USP17L1: variants seen among roughly 807,000 people sequenced by gnomAD.
USP17L1 encodes the protein ubiquitin specific peptidase 17 like family member 1.
USP17L1 carries 42 observed loss-of-function variants against 31.4 expected under a neutral mutation model. The ratio of observed to expected loss-of-function variants is 1.34; its 90% confidence interval spans 1.05 to 1.73. The LOEUF is 1.73. USP17L1 is among the 40% of genes most tolerant of loss of function. The probability of loss-of-function intolerance (pLI) is 0.00; values close to 1 mark genes in which losing one functional copy is unlikely to be tolerated. For synonymous variants in USP17L1, 230 were observed against 194.4 expected, an observed-to-expected ratio of 1.18 and a Z score of -1.52; for missense variants, 576 against 495.8, an observed-to-expected ratio of 1.16 and a Z score of -1.54.
rs117479685 is a variant in USP17L1 at position 7,333,413 on chromosome 8, G to A, written c.1027G>A (p.Glu343Lys). Residue 343 changes from glutamate to lysine, a missense_variant, in exon 1 of 1, where the codon GAA becomes AAA. Glu to Lys is a moderately conservative substitution (Grantham distance 56). Coordinates refer to ENST00000529559, the MANE Select transcript of USP17L1 (RefSeq NM_001256873.1). ...GHYFSYVKAQ[E>K]VQWYKMDDAE... Reference sequence around the variant, plus strand: ...TTACTTCTCCTATGTCAAAGCTCAAGAAGTCCAGTGGTATAAAATGGATGA... The same window carrying A: ...TTACTTCTCCTATGTCAAAGCTCAAAAAGTCCAGTGGTATAAAATGGATGA... 7.4e-3 allele frequency: 11,629 copies of A among 1,573,970 alleles called. 619 individuals are homozygous for A. The highest frequency in any genetic ancestry group is 0.012 in the Middle Eastern group (60 of 5,132).
chr8:7,333,949 C>A lies in USP17L1; in HGVS notation c.1563C>A (p.His521Gln). Residue 521 changes from histidine to glutamine, a missense_variant, in exon 1 of 1, where the codon CAC (histidine) becomes CAA (glutamine). His to Gln is a conservative substitution (Grantham distance 24). Coordinates refer to ENST00000529559, the MANE Select transcript of USP17L1 (RefSeq NM_001256873.1). ...GGAGAGCCAAAGGGAAGAACAAACA[C>A]AGCAAGAGGGCTCTGCTTGTGTGCC... Reference protein sequence around the residue: ...RTRRAKGKNKHSKRALLVCQ With the variant: ...RTRRAKGKNKQSKRALLVCQ 6.3e-7 allele frequency: 1 copy of A among 1,581,998 alleles called. No individual in the cohort carries two copies. The highest frequency in any genetic ancestry group is 1.7e-5 in the Admixed American group (1 of 59,168).
rs1229990125 is a variant in USP17L1 at position 7,332,761 on chromosome 8, C to G, written c.375C>G (p.Leu125=). 6 of 617,408 alleles carry G rather than the reference C, an allele frequency of 9.7e-6. No homozygotes were observed. The East Asian group carries it at 1.5e-4, about 15-fold the overall frequency. The allele number at this position is 617,408 out of a possible 1,614,324, so 38.2% of individuals were successfully genotyped here. A position where few individuals can be genotyped will look rare whatever the true frequency, so the allele number is the denominator to read the frequency against. ...QTCQRPKCCM[L]CTMQAHITWA... ...GTCAGCGTCCCAAGTGCTGCATGCT[C>G]TGTACTATGCAAGCTCACATCACAT... The change falls in exon 1 of 1, where the codon CTC becomes CTG. Residue 125 remains leucine (L), a synonymous_variant. Coordinates refer to ENST00000529559, the MANE Select transcript of USP17L1 (RefSeq NM_001256873.1).
chr8:7,333,012 A>C lies in USP17L1; in HGVS notation c.626A>C (p.His209Pro), dbSNP rs771025706. 4.6e-5 allele frequency: 57 copies of C among 1,247,318 alleles called. 1 individual carries two copies. The highest frequency in any genetic ancestry group is 6.1e-5 in the Non-Finnish European group (55 of 903,826). The allele number at this position is 1,247,318 out of a possible 1,614,324, so 77.3% of individuals were successfully genotyped here. The stretch of plus-strand genomic sequence containing the variant: ...TGGAGATCTCAAATCAAGTGTCTCC[A>C]CTGCCACGGGATTTCAGACACTTTT... Reference protein sequence around the residue: ...GCWRSQIKCLHCHGISDTFDP... With the variant: ...GCWRSQIKCLPCHGISDTFDP... Residue 209 changes from histidine (H) to proline (P), a missense_variant, in exon 1 of 1, where the codon CAC becomes CCC. Transcript: ENST00000529559.
chr8:7,333,239 G>C lies in USP17L1; in HGVS notation c.853G>C (p.Asp285His). Reference sequence around the variant, plus strand: ...CATCCTTGTCTTGAAGAGATTCTCCGATGTCGCAGGCAACAAACTTGCCAA... The same window carrying C: ...CATCCTTGTCTTGAAGAGATTCTCCCATGTCGCAGGCAACAAACTTGCCAA... ...VLILVLKRFS[D>H]VAGNKLAKNV... Residue 285 changes from aspartate (D) to histidine (H), a missense_variant, in exon 1 of 1, where the codon GAT becomes CAT. By Grantham distance (81) the Asp-to-His change is moderately conservative. Coordinates refer to ENST00000529559, the MANE Select transcript of USP17L1 (RefSeq NM_001256873.1). 1 of 947,138 alleles carries C rather than the reference G, an allele frequency of 1.1e-6. No individual in the cohort carries two copies. Among genetic ancestry groups the C allele is most frequent in the Non-Finnish European group, 1.6e-6 (1 of 620,108 alleles). 58.7% of individuals were successfully genotyped at this position (947,138 alleles called of 1,614,324 possible).
At chr8:7,333,479 C>T in the USP17L1 span, 1 of 1,561,834 alleles carries the variant, frequency 6.4e-7, no homozygotes, top group South Asian at 1.1e-5. Context: ...TGTCCTGAGT[C>T]AACAGGCCTA....
rs1210738622 is a variant in USP17L1, at chr8:7,333,363, C to T, written c.977C>T (p.Ala326Val). ...VYVLYAVLVH[A>V]GWSCHDGHYF... ...GTCCTCTATGCTGTGCTGGTCCACGCTGGGTGGAGTTGTCACGACGGACAT... is the reference window on the plus strand; with the variant it reads ...GTCCTCTATGCTGTGCTGGTCCACGTTGGGTGGAGTTGTCACGACGGACAT... Residue 326 changes from alanine (A) to valine (V), a missense_variant, in exon 1 of 1, where the codon GCT becomes GTT. By Grantham distance (64) the Ala-to-Val change is moderately conservative. Transcript: ENST00000529559. 2.1e-5 allele frequency: 33 copies of T among 1,566,352 alleles called. No homozygotes were observed. The highest frequency in any genetic ancestry group is 2.7e-5 in the Non-Finnish European group (31 of 1,166,502).
At position 7,333,739 on chromosome 8, in the gene USP17L1, C is replaced by A. The variant is rs569138630; in HGVS notation, c.1353C>A (p.Asn451Lys). ...AAAACAAAACGAAGCCTGAGTTCAACGTCGGAAAAGTCGAAGGTACCCTGC... is the reference window on the plus strand; with the variant it reads ...AAAACAAAACGAAGCCTGAGTTCAAAGTCGGAAAAGTCGAAGGTACCCTGC... ...QEQNKTKPEF[N>K]VGKVEGTLPP... is the part of the protein sequence containing the mutation. Residue 451 changes from asparagine (N) to lysine (K), a missense_variant, in exon 1 of 1, where the codon AAC becomes AAA. Asn to Lys is a moderately conservative substitution (Grantham distance 94). Transcript: ENST00000529559. The A allele has an allele frequency of 2.5e-6, 4 of 1,584,452 alleles. 1 individual carries two copies. The East Asian group carries it at 6.8e-5, about 27-fold the overall frequency.
chr8:7,333,260 G>A lies in USP17L1; in HGVS notation c.874G>A (p.Ala292Thr). The change falls in exon 1 of 1, where the codon GCC (alanine) becomes ACC (threonine). Residue 292 changes from alanine (A) to threonine (T), a missense_variant. By Grantham distance (58) the Ala-to-Thr change is moderately conservative. Coordinates refer to ENST00000529559, the MANE Select transcript of USP17L1 (RefSeq NM_001256873.1). ...CTCCGATGTCGCAGGCAACAAACTT[G>A]CCAAGAATGTGCAATATCCTGAGTG... ...RFSDVAGNKLAKNVQYPECLD... is the reference protein window; with the variant it reads ...RFSDVAGNKLTKNVQYPECLD... 9.9e-7 allele frequency: 1 copy of A among 1,005,522 alleles called. No individual in the cohort carries two copies. The highest frequency in any genetic ancestry group is 1.5e-6 in the Non-Finnish European group (1 of 668,080). 62.3% of individuals were successfully genotyped at this position (1,005,522 alleles called of 1,614,324 possible).
the USP17L1 span, chr8:7,333,865 CCG>C: frequency 6.8e-7 from 1 of 1,472,394 alleles, no homozygotes; most frequent in Non-Finnish European, 9.2e-7. Flanking sequence ...CTTCGACGAC[CCG>C]GACAGATCAG....
At position 7,333,485 on chromosome 8, in the gene USP17L1, G is replaced by A. The variant is rs553265258; in HGVS notation, c.1099G>A (p.Ala367Thr). 18 of 1,558,994 alleles carry A rather than the reference G, an allele frequency of 1.2e-5. No homozygotes were observed. The highest frequency in any genetic ancestry group is 4.5e-5 in the South Asian group (4 of 89,578). ...CATCATTTCTGTCCTGAGTCAACAG[G>A]CCTATGTCCTCTTTTACATCCAGAA... ...CSIISVLSQQ[A>T]YVLFYIQKSE... The change falls in exon 1 of 1, where the codon GCC becomes ACC. Residue 367 changes from alanine to threonine, a missense_variant. Ala to Thr is a moderately conservative substitution (Grantham distance 58). Transcript: ENST00000529559.
Position 7,332,926 on chromosome 8 carries a change from C to G in USP17L1, c.540C>G (p.His180Gln), listed in dbSNP as rs1804122682. 2.4e-5 allele frequency: 37 copies of G among 1,553,116 alleles called. 2 individuals carry two copies. The highest frequency in any genetic ancestry group is 3.2e-5 in the Non-Finnish European group (37 of 1,162,850). ...TGAAAAAGGCATGCCTTCCCGGCCACAAGCAGGTAGATCATCACTGCAAGG... is the reference window on the plus strand; with the variant it reads ...TGAAAAAGGCATGCCTTCCCGGCCAGAAGCAGGTAGATCATCACTGCAAGG... ...DAMKKACLPGHKQVDHHCKDT... is the reference protein window; with the variant it reads ...DAMKKACLPGQKQVDHHCKDT... Residue 180 changes from histidine (H) to glutamine (Q), a missense_variant, in exon 1 of 1, where the codon CAC becomes CAG. By Grantham distance (24) the His-to-Gln change is conservative. Transcript: ENST00000529559.
the USP17L1 span, chr8:7,333,369 G>A: frequency 6.4e-7 from 1 of 1,568,006 alleles, no homozygotes; most frequent in Non-Finnish European, 8.6e-7. Flanking sequence ...CACGCTGGGT[G>A]GAGTTGTCAC....
Position 7,332,499 on chromosome 8 carries a change from C to T in USP17L1, c.113C>T (p.Pro38Leu), listed in dbSNP as rs1804077900. The change falls in exon 1 of 1, where the codon CCT becomes CTT. Residue 38 changes from proline (P) to leucine (L), a missense_variant. Coordinates refer to ENST00000529559, the MANE Select transcript of USP17L1 (RefSeq NM_001256873.1). ...AFAEIQRTSL[P>L]EKSPLSSETR... is the part of the protein sequence containing the mutation. ...GCTGAAATCCAGCGGACTTCTCTCC[C>T]TGAGAAGTCACCACTCTCATCTGAG... is the stretch of plus-strand genomic sequence containing the variant. 1.1e-5 allele frequency: 6 copies of T among 527,824 alleles called. No homozygotes were observed. The highest frequency in any genetic ancestry group is 1.9e-5 in the Non-Finnish European group (6 of 315,950). 32.7% of individuals were successfully genotyped at this position (527,824 alleles called of 1,614,324 possible).
At position 7,332,537 on chromosome 8, in the gene USP17L1, C is replaced by A; in HGVS notation, c.151C>A (p.Leu51Ile). ...SPLSSETRVD[L>I]CDDLAPVARQ... Reference sequence around the variant, plus strand: ...ACTCTCATCTGAGACCCGTGTCGACCTCTGTGATGATTTGGCTCCTGTGGC... The same window carrying A: ...ACTCTCATCTGAGACCCGTGTCGACATCTGTGATGATTTGGCTCCTGTGGC... Residue 51 changes from leucine (L) to isoleucine (I), a missense_variant, in exon 1 of 1, where the codon CTC (leucine) becomes ATC (isoleucine). Leu to Ile is a conservative substitution (Grantham distance 5). Transcript: ENST00000529559. 2.0e-6 allele frequency: 1 copy of A among 507,124 alleles called. No individual in the cohort carries two copies. The highest frequency in any genetic ancestry group is 3.3e-6 in the Non-Finnish European group (1 of 304,750). 31.4% of individuals were successfully genotyped at this position (507,124 alleles called of 1,614,324 possible).
At position 7,333,370 on chromosome 8, in the gene USP17L1, G is replaced by C. The variant is rs770335718; in HGVS notation, c.984G>C (p.Trp328Cys). 62 of 1,568,364 alleles carry C rather than the reference G, an allele frequency of 4.0e-5. 2 individuals are homozygous for C. Among genetic ancestry groups the C allele is most frequent in the Non-Finnish European group, 4.7e-5 (55 of 1,167,874 alleles). ...ATGCTGTGCTGGTCCACGCTGGGTG[G>C]AGTTGTCACGACGGACATTACTTCT... ...VLYAVLVHAG[W>C]SCHDGHYFSY... The change falls in exon 1 of 1, where the codon TGG (tryptophan) becomes TGC (cysteine). Residue 328 changes from tryptophan (W) to cysteine (C), a missense_variant. Coordinates refer to ENST00000529559, the MANE Select transcript of USP17L1 (RefSeq NM_001256873.1).
chr8:7,333,463 C>T lies in USP17L1; in HGVS notation c.1077C>T (p.Ile359=). ...ATGCCGAGGTCACTGTCTGTAGCAT[C>T]ATTTCTGTCCTGAGTCAACAGGCCT... The part of the protein sequence containing the change: ...MDDAEVTVCS[I]ISVLSQQAYV... Residue 359 remains isoleucine, a synonymous_variant, in exon 1 of 1, where the codon ATC becomes ATT. Transcript: ENST00000529559. 6.4e-7 allele frequency: 1 copy of T among 1,567,846 alleles called. No homozygotes were observed. Among genetic ancestry groups the T allele is most frequent in the Non-Finnish European group, 8.6e-7 (1 of 1,164,724 alleles).
chr8:7,332,451 C>G lies in USP17L1; in HGVS notation c.65C>G (p.Ser22Cys). 1 of 562,540 alleles carries G rather than the reference C, an allele frequency of 1.8e-6. No individual in the cohort carries two copies. Among genetic ancestry groups the G allele is most frequent in the Non-Finnish European group, 3.0e-6 (1 of 338,782 alleles). 34.8% of individuals were successfully genotyped at this position (562,540 alleles called of 1,614,324 possible). The change falls in exon 1 of 1, where the codon TCT becomes TGT. Residue 22 changes from serine (S) to cysteine (C), a missense_variant. Coordinates refer to ENST00000529559, the MANE Select transcript of USP17L1 (RefSeq NM_001256873.1). Reference sequence around the variant, plus strand: ...TTCAACCACTTTTCAAAACTCACATCTTCTCGGCCAGATGCAGCTTTTGCT... The same window carrying G: ...TTCAACCACTTTTCAAAACTCACATGTTCTCGGCCAGATGCAGCTTTTGCT... ...WQFNHFSKLT[S>C]SRPDAAFAEI...
chr8:7,333,698 A>G lies in USP17L1; in HGVS notation c.1312A>G (p.Lys438Glu). Residue 438 changes from lysine (K) to glutamate (E), a missense_variant, in exon 1 of 1, where the codon AAA becomes GAA. Transcript: ENST00000529559. ...TCAGGAAAGCACCTTAGACCACTGGAAATTCCTGCAAGAGCAAAACAAAAC... is the reference window on the plus strand; with the variant it reads ...TCAGGAAAGCACCTTAGACCACTGGGAATTCCTGCAAGAGCAAAACAAAAC... ...ATQESTLDHW[K>E]FLQEQNKTKP... is the part of the protein sequence containing the mutation. The G allele has an allele frequency of 6.3e-7, 1 of 1,587,022 alleles. No individual in the cohort carries two copies. Among genetic ancestry groups the G allele is most frequent in the Non-Finnish European group, 8.5e-7 (1 of 1,176,318 alleles).
chr8:7,333,019 C>A lies in USP17L1; in HGVS notation c.633C>A (p.His211Gln). Reference protein sequence around the residue: ...WRSQIKCLHCHGISDTFDPYL... With the variant: ...WRSQIKCLHCQGISDTFDPYL... The stretch of plus-strand genomic sequence containing the variant: ...CTCAAATCAAGTGTCTCCACTGCCA[C>A]GGGATTTCAGACACTTTTGACCCTT... Residue 211 changes from histidine to glutamine, a missense_variant, in exon 1 of 1, where the codon CAC becomes CAA. His to Gln is a conservative substitution (Grantham distance 24, BLOSUM62 0). Coordinates refer to ENST00000529559, the MANE Select transcript of USP17L1 (RefSeq NM_001256873.1). 2.5e-6 allele frequency: 3 copies of A among 1,211,072 alleles called. No individual in the cohort carries two copies. The East Asian group carries it at 7.4e-5, about 30-fold the overall frequency. 75.0% of individuals were successfully genotyped at this position (1,211,072 alleles called of 1,614,324 possible).
Sources: allele counts gnomAD v4.1 joint callset, GRCh38; gene constraint gnomAD v4.1.1; transcripts MANE v1.5; gene names NCBI Gene and HGNC (gene_info 2026-07-23, HGNC 2026-07-21).